Variants in AFF2 observed in about 807,000 individuals in gnomAD.
The protein encoded by AFF2 is ALF transcription elongation factor 2.
Under a neutral mutation model 76.9 loss-of-function variants are expected in AFF2, and 14 were observed. The observed-to-expected ratio is 0.18, with a 90% CI of 0.12 to 0.28. AFF2 has a LOEUF of 0.28. Ranked by LOEUF, AFF2 falls within the 10% of genes least tolerant of loss-of-function variation. The pLI is 1.00. For missense variants in AFF2, 868 were observed against 1,001.1 expected (o/e 0.87, Z 1.79); for synonymous variants, 398 against 366.7 (o/e 1.09, Z -0.98).
chrX:148,561,023 G>T (rs2124306937), intron 1 of AFF2, among the ~76,000 whole-genome samples: 1 of 111,698 alleles, frequency 9.0e-6, no homozygotes, highest in Admixed American at 9.5e-5. Context: ...TTATGTATTT[G>T]AAGTATTTGC....
intron 1 of AFF2, among the ~76,000 whole-genome samples, chrX:148,649,623 G>A (rs1399799305): frequency 1.8e-5 from 2 of 112,288 alleles, no homozygotes; most frequent in African/African-American, 6.5e-5. Context: ...GAATTTGGTA[G>A]CTAATGAACT....
chrX:148,707,981 A>C (rs1459972420), intron 3 of AFF2, among the ~76,000 whole-genome samples: 1 of 112,143 alleles, frequency 8.9e-6, no homozygotes, highest in Non-Finnish European at 1.9e-5. Flanking sequence ...ATATAAAATA[A>C]GCACATGAAA....
At chrX:148,724,186 A>G (rs1200003723) in intron 3 of AFF2, among the ~76,000 whole-genome samples, 5 of 110,788 alleles carry the variant, frequency 4.5e-5, no homozygotes, top group Non-Finnish European at 7.6e-5. Context: ...CATAAGCATG[A>G]TCTATTGTAT....
chrX:148,835,847 T>G (rs782500415), intron 4 of AFF2, among the ~76,000 whole-genome samples: 9 of 110,914 alleles, frequency 8.1e-5, no homozygotes, highest in Non-Finnish European at 1.7e-4. Flanking sequence ...ATACAGTACA[T>G]TATTACTATT....
chrX:148,568,244 A>T (rs1293130006), intron 1 of AFF2, among the ~76,000 whole-genome samples: 1 of 112,013 alleles, frequency 8.9e-6, no homozygotes, highest in Non-Finnish European at 1.9e-5. Flanking sequence ...ACCCTGGTTG[A>T]GTCCTGACCA....
chrX:148,626,667 C>T (rs781789808), intron 1 of AFF2, among the ~76,000 whole-genome samples: 57 of 110,760 alleles, frequency 5.1e-4, no homozygotes, highest in Non-Finnish European at 4.0e-4. Context: ...CTCATGGTCC[C>T]AGGCATTCCT....
At chrX:148,795,781 C>T (rs111558813) in intron 3 of AFF2, among the ~76,000 whole-genome samples, 1,100 of 63,207 alleles carry the variant, frequency 0.017, 35 homozygotes, top group African/African-American at 0.067. Context: ...CCAACCTGGG[C>T]GACAGAGTGA....
Position 148,500,979 on chromosome X carries a change from TG to T in AFF2, c.-116del. Reference sequence around the variant, plus strand: ...CCGATGCGGCCCGGACACTTTTAGCTGGGCGGGAGGGCTGGAGAGCCGGGGG... The same window carrying T: ...CCGATGCGGCCCGGACACTTTTAGCTGGCGGGAGGGCTGGAGAGCCGGGGG... On this transcript the variant is annotated 5_prime_UTR_variant, in exon 1 of 21. Transcript: ENST00000370460. The T allele has an allele frequency of 1.1e-6, 1 of 904,911 alleles. No homozygotes were observed. The highest frequency in any genetic ancestry group is 1.5e-6 in the Non-Finnish European group (1 of 672,765). The allele number at this position is 904,911 out of a possible 1,213,427, so 74.6% of individuals were successfully genotyped here.
At chrX:148,706,742 G>A (rs2054889484) in intron 3 of AFF2, among the ~76,000 whole-genome samples, 2 of 112,746 alleles carry the variant, frequency 1.8e-5, no homozygotes, top group Non-Finnish European at 3.8e-5. Flanking sequence ...CCATTTGCAA[G>A]GATGTTCCAT....
At chrX:148,907,112 A>T (rs549256323) in intron 9 of AFF2, among the ~76,000 whole-genome samples, 3 of 111,984 alleles carry the variant, frequency 2.7e-5, no homozygotes, top group African/African-American at 9.7e-5. Context: ...AGTGGCCACC[A>T]CCATCTTGGG....
rs1401156890 is a variant in AFF2, at chrX:148,553,912, C to T, written c.47+52768C>T. ...CTTTAAAAACTATGACATAGCCCTC[C>T]GACTAGAGGTAGCCTATGGTTAGAG... is the stretch of plus-strand genomic sequence containing the variant. On this transcript the variant is annotated intron_variant, in intron 1 of 20. Coordinates refer to ENST00000370460, the MANE Select transcript of AFF2 (RefSeq NM_002025.4). Among the ~76,000 whole-genome samples, 22 of 111,434 alleles carry T rather than the reference C, an allele frequency of 2.0e-4. No homozygotes were observed. The Admixed American group carries it at 2.0e-3, about 10-fold the overall frequency.
intron 1 of AFF2, among the ~76,000 whole-genome samples, chrX:148,634,882 A>G (rs1173095344): frequency 9.0e-6 from 1 of 111,636 alleles, no homozygotes; most frequent in Non-Finnish European, 1.9e-5. Context: ...GACACTCTTC[A>G]TGTGTGAGGT....
intron 7 of AFF2, among the ~76,000 whole-genome samples, chrX:148,863,911 C>T (rs2070877378): frequency 9.0e-6 from 1 of 111,665 alleles, no homozygotes; most frequent in Non-Finnish European, 1.9e-5. Context: ...AGATAAAATT[C>T]TGCTGACAAA....
intron 9 of AFF2, among the ~76,000 whole-genome samples, chrX:148,942,811 A>C (rs1347831340): frequency 3.0e-4 from 12 of 40,055 alleles, no homozygotes; most frequent in African/African-American, 6.0e-4. Flanking sequence ...GTGAGACTCC[A>C]TCTCAGAAAA....
chrX:148,885,426 C>T (rs1569556577), intron 7 of AFF2, among the ~76,000 whole-genome samples: 1 of 111,369 alleles, frequency 9.0e-6, no homozygotes. Context: ...TGCAGGTTCA[C>T]TGTGCCTTTT....
intron 7 of AFF2, among the ~76,000 whole-genome samples, chrX:148,854,028 A>G (rs1486453311): frequency 8.9e-6 from 1 of 111,894 alleles, no homozygotes; most frequent in Non-Finnish European, 1.9e-5. Context: ...GCTTTTATGC[A>G]GCGCTTTAAA....
At chrX:148,656,218 G>A (rs2054250023) in intron 2 of AFF2, among the ~76,000 whole-genome samples, 1 of 111,844 alleles carries the variant, frequency 8.9e-6, no homozygotes, top group Non-Finnish European at 1.9e-5. Context: ...GGCTGCTTTT[G>A]TAGCATATGA....
At chrX:148,692,101 G>A (rs1557260815) in intron 3 of AFF2, among the ~76,000 whole-genome samples, 3 of 108,427 alleles carry the variant, frequency 2.8e-5, no homozygotes, top group African/African-American at 1.0e-4. Context: ...TGGAAGAACT[G>A]TAAGTAGATA....
chrX:148,668,255 A>G (rs1557258708), intron 3 of AFF2, among the ~76,000 whole-genome samples: 1 of 113,044 alleles, frequency 8.8e-6, no homozygotes, highest in Non-Finnish European at 1.9e-5. Flanking sequence ...TGCAGGGCGT[A>G]GCCCCCCTCC....
Sources: allele counts gnomAD v4.1 joint callset (sites outside exome capture counted in the v4.1 genomes callset), GRCh38; gene constraint gnomAD v4.1.1; transcripts MANE v1.5; gene names NCBI Gene and HGNC (gene_info 2026-07-23, HGNC 2026-07-21).